The following COL23A1 variants were observed in gnomAD, a reference collection of about 807,000 sequenced individuals.
COL23A1 encodes the protein collagen type XXIII alpha 1 chain, also known as collagen alpha-1(XXIII) chain.
A neutral mutation model predicts 99.3 loss-of-function variants in COL23A1; 97 were observed. The observed-to-expected ratio is 0.98, with a 90% confidence interval of 0.83 to 1.16. COL23A1 has a LOEUF of 1.16. COL23A1 is among the 50% of genes most tolerant of loss of function. The pLI, the probability that COL23A1 is intolerant of heterozygous loss-of-function variation, is 0.00. For synonymous variants in COL23A1, 320 were observed against 308.2 expected (o/e 1.04, Z -0.40); for missense variants, 762 against 757.4 (o/e 1.01, Z -0.07).
intron 2 of COL23A1, among the ~76,000 whole-genome samples, chr5:178,536,248 C>G (rs1328733869): frequency 6.6e-6 from 1 of 152,268 alleles, no homozygotes; most frequent in Non-Finnish European, 1.5e-5. Context: ...CTTCCCCGGT[C>G]TGCCTGCCTC....
chr5:178,506,948 T>C (rs190342208), intron 2 of COL23A1, among the ~76,000 whole-genome samples: 2 of 152,340 alleles, frequency 1.3e-5, no homozygotes, highest in East Asian at 1.9e-4. Context: ...CAGGACCGTT[T>C]GTTTTCAATA....
chr5:178,270,419 T>A (rs1756222175), intron 5 of COL23A1, 56 bp from the exon 6 acceptor site: 1 of 1,598,118 alleles, frequency 6.3e-7, no homozygotes, highest in East Asian at 2.2e-5. Context: ...ACTTCCTCCA[T>A]GTCTTATGAC....
In COL23A1 at chr5:178,249,216, A is replaced by G; in HGVS notation, c.1060-10T>C. On this transcript the variant is annotated splice_polypyrimidine_tract_variant and intron_variant, in intron 18 of 28. Transcript: ENST00000390654. Reference sequence around the variant, plus strand: ...TCTGTCCTTTGGGGCCCTGAAAGCCATAAGCACAAGGGATGAGTGGGGCTC... The same window carrying G: ...TCTGTCCTTTGGGGCCCTGAAAGCCGTAAGCACAAGGGATGAGTGGGGCTC... 11 of 1,613,964 alleles carry G rather than the reference A, an allele frequency of 6.8e-6. No homozygotes were observed. Among genetic ancestry groups the G allele is most frequent in the Non-Finnish European group, 8.5e-6 (10 of 1,179,816 alleles).
chr5:178,489,812 G>C (rs557094472), intron 2 of COL23A1, among the ~76,000 whole-genome samples: 1 of 152,312 alleles, frequency 6.6e-6, no homozygotes, highest in South Asian at 2.1e-4. Flanking sequence ...ACAGGTATTT[G>C]CATACTCATG....
At chr5:178,561,290 C>G (rs1316819642) in intron 1 of COL23A1, among the ~76,000 whole-genome samples, 1 of 152,236 alleles carries the variant, frequency 6.6e-6, no homozygotes, top group Admixed American at 6.5e-5. Context: ...TTTCTGTTTT[C>G]CATTTTCCTT....
chr5:178,258,697 G>GT (rs980758486), intron 12 of COL23A1, among the ~76,000 whole-genome samples: 6 of 150,756 alleles, frequency 4.0e-5, no homozygotes, highest in Non-Finnish European at 7.4e-5. Context: ...TCTGGGTCTG[G>GT]TTTTTTTTGG....
intron 2 of COL23A1, among the ~76,000 whole-genome samples, chr5:178,329,197 A>C (rs1759866749): frequency 6.6e-6 from 1 of 152,246 alleles, no homozygotes; most frequent in South Asian, 2.1e-4. Context: ...AATTTCGTGA[A>C]ACAAATTTAT....
At chr5:178,275,240 T>G (rs116573818) in intron 5 of COL23A1, among the ~76,000 whole-genome samples, 4 of 152,244 alleles carry the variant, frequency 2.6e-5, no homozygotes, top group Non-Finnish European at 4.4e-5. Context: ...CCCAGACCAA[T>G]GCAAGATGCG....
chr5:178,506,084 C>T (rs17650104), intron 2 of COL23A1, among the ~76,000 whole-genome samples: 9,353 of 152,098 alleles, frequency 0.061, 325 homozygotes, highest in Middle Eastern at 0.12. Context: ...CGTGGTAGGC[C>T]GGGTCTGCTG....
At chr5:178,369,510 G>C (rs190282924) in intron 2 of COL23A1, among the ~76,000 whole-genome samples, 1 of 152,330 alleles carries the variant, frequency 6.6e-6, no homozygotes, top group Admixed American at 6.5e-5. Flanking sequence ...TGGTTTGGCT[G>C]TATCCCCACC....
At chr5:178,555,853 G>A (rs991977043) in intron 2 of COL23A1, among the ~76,000 whole-genome samples, 2 of 152,138 alleles carry the variant, frequency 1.3e-5, no homozygotes, top group African/African-American at 4.8e-5. Flanking sequence ...CAGCTCCCAG[G>A]GGGAGGCTTC....
intron 25 of COL23A1, among the ~76,000 whole-genome samples, chr5:178,243,355 C>T (rs1764510134): frequency 1.3e-5 from 2 of 150,388 alleles, no homozygotes; most frequent in South Asian, 2.1e-4. Context: ...GTCCTAGCAG[C>T]GTGCACCTGT....
rs1765609762 is a variant in COL23A1, at chr5:178,421,077, C to T, written c.362-114158G>A. On this transcript the variant is annotated intron_variant, in intron 2 of 28. Transcript: ENST00000390654. ...AAAACACTCTCTGCTCCCTTGTTTC[C>T]ATTTTCTCTTAATAAATAGGCTGGT... Among the ~76,000 whole-genome samples, 3 of 152,048 alleles carry T rather than the reference C, an allele frequency of 2.0e-5. 1 individual carries two copies. In the South Asian group the frequency reaches 6.2e-4, roughly 31 times the overall value.
chr5:178,441,124 G>C (rs1259663454), intron 2 of COL23A1, among the ~76,000 whole-genome samples: 2 of 152,152 alleles, frequency 1.3e-5, no homozygotes, highest in Non-Finnish European at 1.5e-5. Flanking sequence ...CCAATAAGAC[G>C]TCTACTCTGT....
chr5:178,561,014 T>C (rs1762533735), intron 1 of COL23A1, among the ~76,000 whole-genome samples: 2 of 152,162 alleles, frequency 1.3e-5, no homozygotes, highest in Admixed American at 6.5e-5. Context: ...TCAAATAGAA[T>C]ACCAAGAGTT....
intron 2 of COL23A1, among the ~76,000 whole-genome samples, chr5:178,354,002 A>T (rs1419044494): frequency 6.6e-6 from 1 of 151,854 alleles, no homozygotes; most frequent in Non-Finnish European, 1.5e-5. Context: ...GGATTTACAT[A>T]TGTGTTTGTT....
intron 20 of COL23A1, 87 bp downstream of exon 20, chr5:178,248,105 G>T: frequency 1.0e-6 from 1 of 974,986 alleles, no homozygotes; most frequent in Non-Finnish European, 1.6e-6. Flanking sequence ...GCTCAGGCCA[G>T]GTGGCCTTTT....
chr5:178,324,461 G>A (rs1332204059), intron 2 of COL23A1, among the ~76,000 whole-genome samples: 2 of 152,254 alleles, frequency 1.3e-5, no homozygotes, highest in South Asian at 2.1e-4. Context: ...ATCAACCGCC[G>A]GCGAGGATTT....
intron 2 of COL23A1, among the ~76,000 whole-genome samples, chr5:178,393,993 C>T (rs896559812): frequency 1.3e-4 from 20 of 152,312 alleles, no homozygotes; most frequent in Non-Finnish European, 2.2e-4. Context: ...CCAACCCTGC[C>T]CACCAGGTGC....
Sources: allele counts gnomAD v4.1 joint callset (sites outside exome capture counted in the v4.1 genomes callset), GRCh38; gene constraint gnomAD v4.1.1; transcripts MANE v1.5; gene names NCBI Gene and HGNC (gene_info 2026-07-23, HGNC 2026-07-21).